Variants in SLIRP observed in about 807,000 individuals in gnomAD.
The protein encoded by SLIRP is SRA stem-loop interacting RNA binding protein.
A neutral mutation model predicts 13.4 loss-of-function variants in SLIRP; 12 were observed. That is an observed-to-expected ratio of 0.89 (90% CI 0.57 to 1.45). The LOEUF is 1.45. Ranked by LOEUF, SLIRP falls within the 40% of genes most tolerant of loss-of-function variation. The probability of loss-of-function intolerance (pLI) is 0.00; values close to 1 mark genes in which losing one functional copy is unlikely to be tolerated. For synonymous variants in SLIRP, 55 were observed against 47.1 expected, an observed-to-expected ratio of 1.17 and a Z score of -0.69; for missense variants, 154 against 132.2, an observed-to-expected ratio of 1.17 and a Z score of -0.81.
At chr14:77,710,924 G>A (rs768250072) in intron 2 of SLIRP, 28 bp downstream of exon 2, 2 of 1,606,756 alleles carry the variant, frequency 1.2e-6, no homozygotes, top group South Asian at 1.1e-5. Flanking sequence ...GTAGGTGGGA[G>A]GTGGGGATGG....
intron 3 of SLIRP, chr14:77,716,082 C>T (rs576330535): frequency 6.8e-4 from 285 of 421,974 alleles, no homozygotes; most frequent in South Asian, 3.8e-4. Flanking sequence ...TTTGGGAGGC[C>T]GAGGCGGGCG....
chr14:77,717,414 T>A, intron 3 of SLIRP, 82 bp from the exon 4 acceptor site: 3 of 1,153,720 alleles, frequency 2.6e-6, no homozygotes, highest in Non-Finnish European at 3.8e-6. Flanking sequence ...TTATTCATAC[T>A]GACTCCCTAA....
intron 2 of SLIRP, among the ~76,000 whole-genome samples, chr14:77,713,862 G>C (rs1236604148): frequency 6.6e-6 from 1 of 152,078 alleles, no homozygotes; most frequent in Non-Finnish European, 1.5e-5. Context: ...GCAAAAAAAT[G>C]AATAGATTTT....
intron 1 of SLIRP, chr14:77,710,614 G>T (rs2080432371): frequency 1.3e-6 from 2 of 1,513,548 alleles, no homozygotes; most frequent in Non-Finnish European, 1.8e-6. Context: ...TGCTGAGGAT[G>T]GAGACTGCAG....
At chr14:77,708,880 G>T (rs2080417780) in intron 1 of SLIRP, among the ~76,000 whole-genome samples, 2 of 152,186 alleles carry the variant, frequency 1.3e-5, no homozygotes. Flanking sequence ...AAGCTAGACC[G>T]TTGGGGTTAG....
chr14:77,716,480 T>G (rs2080481338), intron 3 of SLIRP: 1 of 151,420 alleles, frequency 6.6e-6, no homozygotes, highest in Non-Finnish European at 1.5e-5. Flanking sequence ...AAACCCCATC[T>G]CTACTAAAAA....
rs1191005502 is a variant in SLIRP, at chr14:77,712,345, C to T, written c.156+1449C>T. Among the ~76,000 whole-genome samples the T allele has an allele frequency of 2.6e-5, 4 of 151,246 alleles. No homozygotes were observed. In the East Asian group the frequency reaches 7.8e-4, roughly 29 times the overall value. On this transcript the variant is annotated intron_variant, in intron 2 of 3. Transcript: ENST00000557342. Reference sequence around the variant, plus strand: ...TGGAGTTGCAGTGGTGCAGTCTCAGCTTACTGCAACCTCTGCCTCCTGGGT... The same window carrying T: ...TGGAGTTGCAGTGGTGCAGTCTCAGTTTACTGCAACCTCTGCCTCCTGGGT...
intron 2 of SLIRP, chr14:77,712,169 T>G (rs952084935): frequency 6.6e-6 from 1 of 152,204 alleles, no homozygotes; most frequent in African/African-American, 2.4e-5. Flanking sequence ...GGATCTCACA[T>G]AGCTATATAT....
chr14:77,712,607 G>A (rs986115977), intron 2 of SLIRP, among the ~76,000 whole-genome samples: 1 of 152,080 alleles, frequency 6.6e-6, no homozygotes, highest in Non-Finnish European at 1.5e-5. Context: ...ACTACGCCCG[G>A]CTAATTTTTT....
intron 3 of SLIRP, among the ~76,000 whole-genome samples, chr14:77,716,749 T>C (rs1194858806): frequency 6.6e-6 from 1 of 151,792 alleles, no homozygotes; most frequent in Non-Finnish European, 1.5e-5. Flanking sequence ...TGTAACACAG[T>C]GGACATAACA....
At chr14:77,715,928 TATTTA>T (rs765389839) in intron 3 of SLIRP, 49 bp downstream of exon 3, 1 of 1,309,038 alleles carries the variant, frequency 7.6e-7, no homozygotes, top group Non-Finnish European at 1.1e-6. Flanking sequence ...ATGTAGGTAC[TATTTA>T]ATTATGTATC....
At position 77,710,835 on chromosome 14, in the gene SLIRP, C is replaced by G; in HGVS notation, c.98-3C>G. The G allele has an allele frequency of 6.2e-7, 1 of 1,614,082 alleles. No individual in the cohort carries two copies. The highest frequency in any genetic ancestry group is 1.1e-5 in the South Asian group (1 of 91,082). On this transcript the variant is annotated splice_polypyrimidine_tract_variant and splice_region_variant and intron_variant, in intron 1 of 3. Transcript: ENST00000557342. Reference sequence around the variant, plus strand: ...ACTTTTAATGTTTTCTTCTGCCACACAGGTCAGCTGAAAGAACACTTTGCA... The same window carrying G: ...ACTTTTAATGTTTTCTTCTGCCACAGAGGTCAGCTGAAAGAACACTTTGCA...
chr14:77,708,387 C>G (rs1047497659), intron 1 of SLIRP, among the ~76,000 whole-genome samples, 179 bp downstream of exon 1: 1 of 152,182 alleles, frequency 6.6e-6, no homozygotes, highest in Non-Finnish European at 1.5e-5. Context: ...GTCCCTTGAG[C>G]TTTTGGGGTC....
chr14:77,709,972 C>CAATT (rs2080428090), intron 1 of SLIRP, among the ~76,000 whole-genome samples: 1 of 152,028 alleles, frequency 6.6e-6, no homozygotes, highest in African/African-American at 2.4e-5. Flanking sequence ...AGGGAGCTTA[C>CAATT]AATTAGTGGT....
rs148042958 is a variant in SLIRP, at chr14:77,715,869, A to G, written c.254A>G (p.Asp85Gly). ...NALQQENHIIDGVKVQVHTRR... is the reference protein window; with the variant it reads ...NALQQENHIIGGVKVQVHTRR... ...CTACAACAGGAAAATCATATTATAG[A>G]TGGAGTAAAGGTAAATTTATTTCTA... The change falls in exon 3 of 4, where the codon GAT becomes GGT. Residue 85 changes from aspartate (D) to glycine (G), a missense_variant. Coordinates refer to ENST00000557342, the MANE Select transcript of SLIRP (RefSeq NM_031210.6). 326 of 1,612,406 alleles carry G rather than the reference A, an allele frequency of 2.0e-4. 1 individual carries two copies. The highest frequency in any genetic ancestry group is 5.7e-4 in the Admixed American group (34 of 60,010).
intron 3 of SLIRP, 69 bp from the exon 4 acceptor site, chr14:77,717,427 A>C (rs1358409729): frequency 7.5e-7 from 1 of 1,330,790 alleles, no homozygotes; most frequent in Non-Finnish European, 1.1e-6. Context: ...CTCCCTAATA[A>C]AGTGATTTTC....
rs2080411022 is a variant in SLIRP, at chr14:77,708,184, A to G, written c.73A>G (p.Arg25Gly). The change falls in exon 1 of 4, where the codon AGA becomes GGA. Residue 25 changes from arginine (R) to glycine (G), a missense_variant. By Grantham distance (125) the Arg-to-Gly change is moderately radical. Coordinates refer to ENST00000557342, the MANE Select transcript of SLIRP (RefSeq NM_031210.6). ...SINQPVAFVR[R>G]IPWTAASSQL... The stretch of plus-strand genomic sequence containing the variant: ...CAATCAGCCGGTTGCTTTTGTGAGA[A>G]GAATTCCTTGGACTGCGGCGTCGAG... 6.2e-7 allele frequency: 1 copy of G among 1,614,092 alleles called. No homozygotes were observed. The highest frequency in any genetic ancestry group is 8.5e-7 in the Non-Finnish European group (1 of 1,180,052).
intron 3 of SLIRP, among the ~76,000 whole-genome samples, chr14:77,717,137 A>C (rs938549262): frequency 6.7e-6 from 1 of 148,388 alleles, no homozygotes. Context: ...CCTGGGCCAA[A>C]CTGATTTACT....
chr14:77,714,928 G>GT (rs555601699), intron 2 of SLIRP, among the ~76,000 whole-genome samples: 1 of 152,172 alleles, frequency 6.6e-6, no homozygotes, highest in Non-Finnish European at 1.5e-5. Context: ...TCTGTTTTCC[G>GT]TATGCGATGT....
Sources: gnomAD v4.1 joint callset for allele counts (sites outside exome capture counted in the v4.1 genomes callset) on GRCh38, gnomAD v4.1.1 for gene constraint, MANE v1.5 for transcripts, NCBI Gene and HGNC (gene_info 2026-07-23, HGNC 2026-07-21) for gene names.